Variants in SPHKAP observed in about 807,000 individuals in gnomAD.
The protein encoded by SPHKAP is A-kinase anchor protein SPHKAP.
SPHKAP carries 67 observed loss-of-function variants against 137.5 expected under a neutral mutation model. The observed-to-expected ratio is 0.49, with a 90% CI of 0.40 to 0.60. The LOEUF (loss-of-function observed/expected upper bound fraction) is 0.60, where lower values mean the gene tolerates loss of function less well. Among genes scored for constraint, SPHKAP ranks in the 20% least tolerant of loss-of-function variants. The pLI is 0.00. For synonymous variants in SPHKAP, 813 were observed against 785.3 expected, an observed-to-expected ratio of 1.04 and a Z score of -0.59; for missense variants, 2,097 against 2,069.3, an observed-to-expected ratio of 1.01 and a Z score of -0.26.
intron 3 of SPHKAP, among the ~76,000 whole-genome samples, chr2:228,038,547 A>G (rs1330221795): frequency 1.3e-5 from 2 of 152,224 alleles, no homozygotes; most frequent in Non-Finnish European, 2.9e-5. Context: ...CTCTTATTGC[A>G]TTCTCTGTAA....
chr2:228,006,114 G>A (rs955162875), intron 7 of SPHKAP, among the ~76,000 whole-genome samples: 2 of 152,094 alleles, frequency 1.3e-5, no homozygotes, highest in African/African-American at 4.8e-5. Flanking sequence ...AAGTTCTCCT[G>A]GATAATATTC....
chr2:228,093,859 C>CAAAAAAAAAAAAAAAAAAAAAA (rs11336381), intron 3 of SPHKAP, among the ~76,000 whole-genome samples: 2 of 77,110 alleles, frequency 2.6e-5, no homozygotes, highest in East Asian at 4.1e-4. Flanking sequence ...GACTCCGTTT[C>CAAAAAAAAAAAAAAAAAAAAAA]AAAAAAAAAA....
chr2:228,012,056 T>G (rs1694394979), intron 7 of SPHKAP, among the ~76,000 whole-genome samples: 1 of 150,410 alleles, frequency 6.6e-6, no homozygotes, highest in African/African-American at 2.5e-5. Flanking sequence ...TAGTCTCAGC[T>G]GCTTGAAAGG....
chr2:228,115,582 A>AT (rs1698684443), intron 2 of SPHKAP, among the ~76,000 whole-genome samples: 1 of 152,112 alleles, frequency 6.6e-6, no homozygotes, highest in Non-Finnish European at 1.5e-5. Flanking sequence ...AAAAATAGCA[A>AT]TTTTTTAGTG....
intron 3 of SPHKAP, among the ~76,000 whole-genome samples, chr2:228,091,918 G>A (rs1026825846): frequency 4.6e-5 from 7 of 151,918 alleles, no homozygotes; most frequent in African/African-American, 9.7e-5. Context: ...CCACTACTGG[G>A]TATCTACCCA....
chr2:228,013,233 T>G (rs1181386869), intron 7 of SPHKAP, among the ~76,000 whole-genome samples: 1 of 152,242 alleles, frequency 6.6e-6, no homozygotes, highest in African/African-American at 2.4e-5. Context: ...AATAAAATCT[T>G]CACAGTGTTT....
At chr2:228,023,753 G>C (rs965389580) in intron 5 of SPHKAP, among the ~76,000 whole-genome samples, 2 of 152,224 alleles carry the variant, frequency 1.3e-5, no homozygotes, top group South Asian at 4.1e-4. Context: ...CTATCAGTGA[G>C]TCAACCTCAG....
chr2:228,016,680 A>T lies in SPHKAP; in HGVS notation c.4174T>A (p.Ser1392Thr), dbSNP rs753344811. 6.2e-7 allele frequency: 1 copy of T among 1,614,098 alleles called. No individual in the cohort carries two copies. Among genetic ancestry groups the T allele is most frequent in the South Asian group, 1.1e-5 (1 of 91,082 alleles). The change falls in exon 7 of 12, where the codon TCT becomes ACT. Residue 1392 changes from serine to threonine, a missense_variant. Transcript: ENST00000392056. ...TCTAAAGGGCTGTGGTTTGTAAGAG[A>T]AGCAGTTTTGCTCAAAGATGACACT... is the stretch of plus-strand genomic sequence containing the variant. ...PPVSSLSKTA[S>T]LTNHSPLDSK...
chr2:227,990,922 T>G, intron 11 of SPHKAP, 78 bp downstream of exon 11: 1 of 1,425,840 alleles, frequency 7.0e-7, no homozygotes, highest in African/African-American at 1.4e-5. Flanking sequence ...TGGACAGGGG[T>G]TTACTGAGCA....
intron 3 of SPHKAP, among the ~76,000 whole-genome samples, chr2:228,072,191 C>T (rs1697025923): frequency 6.6e-6 from 1 of 152,146 alleles, no homozygotes; most frequent in African/African-American, 2.4e-5. Flanking sequence ...GAATCTATGC[C>T]ATCAGCTCTC....
At chr2:228,066,538 G>A (rs2106294742) in intron 3 of SPHKAP, among the ~76,000 whole-genome samples, 1 of 152,290 alleles carries the variant, frequency 6.6e-6, no homozygotes, top group East Asian at 1.9e-4. Context: ...CAGTCAAGCT[G>A]TTAGAATCTG....
At chr2:228,117,132 G>A (rs546620380) in intron 2 of SPHKAP, among the ~76,000 whole-genome samples, 9 of 152,154 alleles carry the variant, frequency 5.9e-5, no homozygotes, top group African/African-American at 9.6e-5. Flanking sequence ...AAGTATATAC[G>A]TATTCAATTT....
intron 1 of SPHKAP, among the ~76,000 whole-genome samples, chr2:228,168,002 G>A (rs1319197352): frequency 6.6e-6 from 1 of 152,010 alleles, no homozygotes; most frequent in Non-Finnish European, 1.5e-5. Flanking sequence ...TATTTAAAAT[G>A]TATATGTAAT....
intron 1 of SPHKAP, among the ~76,000 whole-genome samples, chr2:228,160,249 G>A (rs1296575347): frequency 1.3e-5 from 2 of 152,126 alleles, no homozygotes; most frequent in Non-Finnish European, 2.9e-5. Context: ...AGATCTATGA[G>A]TACCTTCTGA....
At chr2:228,116,948 C>A (rs7598515) in intron 2 of SPHKAP, among the ~76,000 whole-genome samples, 3 of 151,974 alleles carry the variant, frequency 2.0e-5, no homozygotes, top group East Asian at 1.9e-4. Context: ...ATCATTCCAC[C>A]TGCTCCCTGA....
chr2:228,071,118 T>G (rs1696991898), intron 3 of SPHKAP, among the ~76,000 whole-genome samples: 1 of 152,210 alleles, frequency 6.6e-6, no homozygotes, highest in Non-Finnish European at 1.5e-5. Flanking sequence ...TCTATATTTT[T>G]TATCCTTCTA....
At position 228,017,015 on chromosome 2, in the gene SPHKAP, G is replaced by A. The variant is rs776850489; in HGVS notation, c.3839C>T (p.Ala1280Val). Residue 1280 changes from alanine to valine, a missense_variant, in exon 7 of 12, where the codon GCG becomes GTG. Ala to Val is a moderately conservative substitution (Grantham distance 64). Transcript: ENST00000392056. ...AGATTTGCAGAGACCGGATGAGGAC[G>A]CGCTACTGACCGGCTGCACGCTTAG... Reference protein sequence around the residue: ...DFLSVQPVSSASSSGLCKSDS... With the variant: ...DFLSVQPVSSVSSSGLCKSDS... 34 of 1,613,994 alleles carry A rather than the reference G, an allele frequency of 2.1e-5. No homozygotes were observed. Among genetic ancestry groups the A allele is most frequent in the Non-Finnish European group, 2.5e-5 (30 of 1,180,022 alleles).
chr2:228,028,777 A>G (rs1695163336), intron 3 of SPHKAP, among the ~76,000 whole-genome samples: 1 of 152,232 alleles, frequency 6.6e-6, no homozygotes, highest in African/African-American at 2.4e-5. Context: ...AACAGTGACA[A>G]AATCACCTAA....
At chr2:228,092,324 T>TAC (rs553174851) in intron 3 of SPHKAP, among the ~76,000 whole-genome samples, 1 of 102,750 alleles carries the variant, frequency 9.7e-6, no homozygotes, top group Admixed American at 1.1e-4. Context: ...TGTGTATACG[T>TAC]ACACACACAC....
Sources: allele counts gnomAD v4.1 joint callset (sites outside exome capture counted in the v4.1 genomes callset), GRCh38; gene constraint gnomAD v4.1.1; transcripts MANE v1.5; gene names NCBI Gene and HGNC (gene_info 2026-07-23, HGNC 2026-07-21).